SEMA4F: variants seen among roughly 807,000 people sequenced by gnomAD.
The protein encoded by SEMA4F is ssemaphorin 4F, also known as semaphorin-4F.
Under a neutral mutation model 78.4 loss-of-function variants are expected in SEMA4F, and 51 were observed. The ratio of observed to expected loss-of-function variants is 0.65; its 90% CI spans 0.52 to 0.82. The LOEUF (loss-of-function observed/expected upper bound fraction) is 0.82, where lower values mean the gene tolerates loss of function less well. Among genes scored for constraint, SEMA4F ranks in the 40% least tolerant of loss-of-function variants. The pLI is 0.00. For missense variants in SEMA4F, 938 were observed against 1,014.4 expected (o/e 0.92, Z 1.02); for synonymous variants, 418 against 408.7 (o/e 1.02, Z -0.27).
At chr2:74,674,347 CTG>C (rs1474707437) in intron 7 of SEMA4F, 149 bp from the exon 8 acceptor site, 1 of 654,222 alleles carries the variant, frequency 1.5e-6, no homozygotes, top group Non-Finnish European at 2.6e-6. Context: ...CGCAGCTACT[CTG>C]TGTGGCTCTC....
At chr2:74,698,380 G>A in the SEMA4F span, among the ~76,000 whole-genome samples, 1 of 152,216 alleles carries the variant, frequency 6.6e-6, no homozygotes, top group Non-Finnish European at 1.5e-5. Flanking sequence ...GGGATGGGAT[G>A]GAGCTGTCAT....
chr2:74,675,540 A>G lies in SEMA4F; in HGVS notation c.1388A>G (p.His463Arg), dbSNP rs769857034. ...LYLGTEDGHL[H>R]RAVRIGAQLS... is the part of the protein sequence containing the mutation. ...TGTCCCCTAGAGGATGGACACCTCC[A>G]CCGAGCAGTGCGGATCGGAGCTCAG... is the stretch of plus-strand genomic sequence containing the variant. Residue 463 changes from histidine to arginine, a missense_variant, in exon 11 of 14, where the codon CAC becomes CGC. Transcript: ENST00000357877. 4.3e-6 allele frequency: 7 copies of G among 1,613,988 alleles called. No homozygotes were observed. The East Asian group carries it at 1.6e-4, about 36-fold the overall frequency.
chr2:74,675,286 C>A lies in SEMA4F; in HGVS notation c.1274C>A (p.Pro425His), dbSNP rs1291091362. 1.2e-6 allele frequency: 2 copies of A among 1,614,218 alleles called. No homozygotes were observed. Among genetic ancestry groups the A allele is most frequent in the South Asian group, 1.1e-5 (1 of 91,088 alleles). The change falls in exon 10 of 14, where the codon CCC (proline) becomes CAC (histidine). Residue 425 changes from proline to histidine, a missense_variant. Coordinates refer to ENST00000357877, the MANE Select transcript of SEMA4F (RefSeq NM_004263.5). ...CCAGTGTTTCCAGCTGATGGCCACC[C>A]CCTGCTGGTCACTACAGATACAGCC... Reference protein sequence around the residue: ...DRPVFPADGHPLLVTTDTAYL... With the variant: ...DRPVFPADGHHLLVTTDTAYL...
chr2:74,657,589 C>A lies in SEMA4F; in HGVS notation c.322C>A (p.His108Asn). The A allele has an allele frequency of 1.2e-6, 2 of 1,614,174 alleles. No homozygotes were observed. Among genetic ancestry groups the A allele is most frequent in the Non-Finnish European group, 1.7e-6 (2 of 1,180,020 alleles). Residue 108 changes from histidine to asparagine, a missense_variant, in exon 3 of 14, where the codon CAC (histidine) becomes AAC (asparagine). Transcript: ENST00000357877. ...GATTGACTGGATGGTTCCTGAGGCTCACAGACAGAACTGTAGGAAGAAAGG... is the reference window on the plus strand; with the variant it reads ...GATTGACTGGATGGTTCCTGAGGCTAACAGACAGAACTGTAGGAAGAAAGG... ...RRIDWMVPEA[H>N]RQNCRKKGKK...
At chr2:74,699,537 A>T in the SEMA4F span, among the ~76,000 whole-genome samples, 25 of 152,346 alleles carry the variant, frequency 1.6e-4, no homozygotes, top group South Asian at 5.2e-3. Flanking sequence ...AGGGAGGACT[A>T]AGATAATGGA....
At chr2:74,685,051 T>C (rs1464747593), downstream of SEMA4F, among the ~76,000 whole-genome samples, 1 of 152,236 alleles carries the variant, frequency 6.6e-6, no homozygotes, top group Non-Finnish European at 1.5e-5. Context: ...TTTGTTTCTT[T>C]TTTGAAGGGA....
chr2:74,694,131 C>T, the SEMA4F span, among the ~76,000 whole-genome samples: 2 of 152,138 alleles, frequency 1.3e-5, no homozygotes, highest in African/African-American at 4.8e-5. Flanking sequence ...ACAGTTGAGC[C>T]TGGAATTGCT....
the SEMA4F span, among the ~76,000 whole-genome samples, chr2:74,696,560 T>C: frequency 6.6e-6 from 1 of 151,980 alleles, no homozygotes; most frequent in Non-Finnish European, 1.5e-5. Flanking sequence ...TACAATCAAA[T>C]ATAAAAATGT....
chr2:74,692,130 C>G, the SEMA4F span, among the ~76,000 whole-genome samples: 10 of 152,140 alleles, frequency 6.6e-5, no homozygotes, highest in Non-Finnish European at 1.5e-4. Flanking sequence ...AGGAAGATAA[C>G]AAATCCAGTC....
chr2:74,654,528 C>T lies in SEMA4F; in HGVS notation c.145+7C>T, dbSNP rs1283586799. The T allele has an allele frequency of 1.9e-6, 3 of 1,548,068 alleles. No homozygotes were observed. On this transcript the variant is annotated splice_region_variant and intron_variant, in intron 1 of 13. Coordinates refer to ENST00000357877, the MANE Select transcript of SEMA4F (RefSeq NM_004263.5). The stretch of plus-strand genomic sequence containing the variant: ...ACCTCGCTTCCAATCTCTGGTAAGG[C>T]GCGGACGCCCACGCCCTCAGCCCTT...
chr2:74,690,875 C>A, the SEMA4F span, among the ~76,000 whole-genome samples: 1 of 152,180 alleles, frequency 6.6e-6, no homozygotes, highest in Non-Finnish European at 1.5e-5. Flanking sequence ...TAATCTCTAA[C>A]CTTTGAGTAA....
At chr2:74,692,204 A>C in the SEMA4F span, among the ~76,000 whole-genome samples, 1 of 152,130 alleles carries the variant, frequency 6.6e-6, no homozygotes, top group Non-Finnish European at 1.5e-5. Flanking sequence ...CAGGGTGGAG[A>C]ATAAGTAAGG....
At chr2:74,686,525 TG>T (rs1558742662), downstream of SEMA4F, among the ~76,000 whole-genome samples, 1 of 152,216 alleles carries the variant, frequency 6.6e-6, no homozygotes, top group Non-Finnish European at 1.5e-5. Flanking sequence ...ATCCCATTAC[TG>T]GGTATATACC....
chr2:74,679,466 G>A (rs991677049), intron 13 of SEMA4F, 132 bp downstream of exon 13: 3 of 1,480,714 alleles, frequency 2.0e-6, no homozygotes, highest in African/African-American at 2.8e-5. Context: ...TCGGGCCTTA[G>A]CCTCTTTAGG....
rs1189831184 is a variant in SEMA4F, at chr2:74,680,035, C to G, written c.2139C>G (p.Ser713Arg). Reference protein sequence around the residue: ...GAPPSGTTSYSQDPPSPSPED... With the variant: ...GAPPSGTTSYRQDPPSPSPED... ...CACCTTCTGGGACCACAAGCTACAG[C>G]CAAGACCCTCCCTCCCCCTCTCCTG... Residue 713 changes from serine (S) to arginine (R), a missense_variant, in exon 14 of 14, where the codon AGC becomes AGG. By Grantham distance (110) the Ser-to-Arg change is moderately radical (BLOSUM62 -1). Coordinates refer to ENST00000357877, the MANE Select transcript of SEMA4F (RefSeq NM_004263.5). 1.9e-6 allele frequency: 3 copies of G among 1,614,128 alleles called. No individual in the cohort carries two copies. The South Asian group carries it at 3.3e-5, about 18-fold the overall frequency.
chr2:74,690,670 A>G, the SEMA4F span, among the ~76,000 whole-genome samples: 1 of 152,226 alleles, frequency 6.6e-6, no homozygotes, highest in African/African-American at 2.4e-5. Context: ...TATTTTTGCA[A>G]TAGTGAAGTA....
At chr2:74,696,997 G>A in the SEMA4F span, among the ~76,000 whole-genome samples, 1 of 152,222 alleles carries the variant, frequency 6.6e-6, no homozygotes, top group Admixed American at 6.5e-5. Flanking sequence ...ATGTATATCT[G>A]TGGATTCCCA....
At chr2:74,676,842 A>T (rs1338573167) in intron 12 of SEMA4F, among the ~76,000 whole-genome samples, 4 of 152,176 alleles carry the variant, frequency 2.6e-5, no homozygotes, top group Non-Finnish European at 5.9e-5. Flanking sequence ...CCCTGACATT[A>T]TATCATATTC....
Position 74,679,890 on chromosome 2 carries a change from G to T in SEMA4F, c.1994G>T (p.Gly665Val), listed in dbSNP as rs1573269438. ...RAHTVGAGLA[G>V]FFLGILAASL... ...CACACAGTGGGGGCGGGACTGGCTGGCTTCTTCTTGGGGATTCTCGCAGCA... is the reference window on the plus strand; with the variant it reads ...CACACAGTGGGGGCGGGACTGGCTGTCTTCTTCTTGGGGATTCTCGCAGCA... Residue 665 changes from glycine (G) to valine (V), a missense_variant, in exon 14 of 14, where the codon GGC (glycine) becomes GTC (valine). Gly to Val is a moderately radical substitution (Grantham distance 109). Coordinates refer to ENST00000357877, the MANE Select transcript of SEMA4F (RefSeq NM_004263.5). The T allele has an allele frequency of 6.2e-7, 1 of 1,614,118 alleles. No individual in the cohort carries two copies. Among genetic ancestry groups the T allele is most frequent in the Admixed American group, 1.7e-5 (1 of 60,016 alleles).
Sources: gnomAD v4.1 joint callset for allele counts (sites outside exome capture counted in the v4.1 genomes callset) on GRCh38, gnomAD v4.1.1 for gene constraint, MANE v1.5 for transcripts, NCBI Gene and HGNC (gene_info 2026-07-23, HGNC 2026-07-21) for gene names.